The following SLC24A3 variants were observed in gnomAD, a reference collection of about 807,000 sequenced individuals.
SLC24A3 encodes solute carrier family 24 member 3.
In SLC24A3, 28 loss-of-function variants were observed where a neutral mutation model predicts 75.8. The observed-to-expected ratio is 0.37, with a 90% confidence interval of 0.27 to 0.51. SLC24A3 has a LOEUF of 0.51. Ranked by LOEUF, SLC24A3 falls within the 20% of genes least tolerant of loss-of-function variation. The pLI is 0.94. For missense variants in SLC24A3, 663 were observed against 847.8 expected, an observed-to-expected ratio of 0.78 and a Z score of 2.71; for synonymous variants, 372 against 334.1, an observed-to-expected ratio of 1.11 and a Z score of -1.24.
At position 19,722,725 on chromosome 20, in the gene SLC24A3, C is replaced by G. The variant is rs144954252; in HGVS notation, c.*1585C>G. ...TGGTTGAATGTTTCTGTCTGTGGTG[C>G]GAACCAGCATTAACGGATGGGGCAC... On this transcript the variant is annotated 3_prime_UTR_variant, in exon 17 of 17. Transcript: ENST00000328041. 0.013 allele frequency: 2,028 copies of G among 152,688 alleles called. 21 individuals carry two copies. The highest frequency in any genetic ancestry group is 0.027 in the Middle Eastern group (8 of 292). The allele number at this position is 152,688 out of a possible 1,614,324, so 9.5% of individuals were successfully genotyped here.
chr20:19,395,863 G>T (rs1467823893), intron 2 of SLC24A3, among the ~76,000 whole-genome samples: 2 of 152,136 alleles, frequency 1.3e-5, no homozygotes, highest in African/African-American at 4.8e-5. Flanking sequence ...AATTGGAGTG[G>T]GGTAGGTAGT....
intron 9 of SLC24A3, among the ~76,000 whole-genome samples, chr20:19,680,152 CTGTG>C (rs927588904): frequency 1.4e-5 from 2 of 142,162 alleles, no homozygotes; most frequent in African/African-American, 5.2e-5. Flanking sequence ...CTGTGTGTGT[CTGTG>C]TGTGTCTGTG....
At chr20:19,393,503 C>T (rs1986399909) in intron 2 of SLC24A3, among the ~76,000 whole-genome samples, 1 of 151,956 alleles carries the variant, frequency 6.6e-6, no homozygotes, top group African/African-American at 2.4e-5. Flanking sequence ...GAAATTTAGC[C>T]CAGTTGCTGC....
At chr20:19,358,601 A>G (rs1485654406) in intron 2 of SLC24A3, among the ~76,000 whole-genome samples, 7 of 152,192 alleles carry the variant, frequency 4.6e-5, no homozygotes, top group South Asian at 2.1e-4. Context: ...ACAGACTTAT[A>G]TCTTCCTTTT....
At chr20:19,574,616 C>T (rs1017288877) in intron 3 of SLC24A3, among the ~76,000 whole-genome samples, 12 of 152,200 alleles carry the variant, frequency 7.9e-5, no homozygotes, top group Admixed American at 3.3e-4. Flanking sequence ...TCTTTTCCTC[C>T]AGCAGGCTAG....
At chr20:19,628,202 C>CAAAAAAAAAAAAAAAAAAA (rs776701707) in intron 6 of SLC24A3, among the ~76,000 whole-genome samples, 4 of 51,818 alleles carry the variant, frequency 7.7e-5, no homozygotes, top group East Asian at 5.3e-4. Context: ...GACTCCATCT[C>CAAAAAAAAAAAAAAAAAAA]AAAAAAAAAA....
At chr20:19,335,248 T>A (rs1397754634) in intron 2 of SLC24A3, among the ~76,000 whole-genome samples, 1 of 152,198 alleles carries the variant, frequency 6.6e-6, no homozygotes, top group Non-Finnish European at 1.5e-5. Context: ...AGGGCTAGAA[T>A]GAAATGAGTG....
intron 2 of SLC24A3, among the ~76,000 whole-genome samples, chr20:19,429,448 C>G (rs966821532): frequency 6.6e-6 from 1 of 152,182 alleles, no homozygotes; most frequent in African/African-American, 2.4e-5. Flanking sequence ...CTATGGAAAG[C>G]GTGTGAGTAA....
At chr20:19,645,507 T>C (rs1429487181) in intron 6 of SLC24A3, among the ~76,000 whole-genome samples, 1 of 152,054 alleles carries the variant, frequency 6.6e-6, no homozygotes, top group Non-Finnish European at 1.5e-5. Flanking sequence ...ACTCTTGGCC[T>C]TAGGAGTTGG....
chr20:19,628,202 CAAAAA>C (rs776701707), intron 6 of SLC24A3, among the ~76,000 whole-genome samples: 3 of 51,830 alleles, frequency 5.8e-5, no homozygotes, highest in Non-Finnish European at 8.9e-5. Flanking sequence ...GACTCCATCT[CAAAAA>C]AAAAAAAAAA....
At chr20:19,680,570 T>G (rs912661412) in intron 9 of SLC24A3, among the ~76,000 whole-genome samples, 1 of 152,228 alleles carries the variant, frequency 6.6e-6, no homozygotes, top group African/African-American at 2.4e-5. Flanking sequence ...AATAGTGGTG[T>G]TCTAATTCTA....
intron 1 of SLC24A3, among the ~76,000 whole-genome samples, chr20:19,214,373 A>G (rs1014202713): frequency 2.0e-5 from 3 of 152,202 alleles, no homozygotes; most frequent in Non-Finnish European, 2.9e-5. Context: ...CACATCTGCC[A>G]GACTTCTGTC....
intron 2 of SLC24A3, among the ~76,000 whole-genome samples, chr20:19,343,069 CAA>C (rs5840837): frequency 8.1e-5 from 6 of 73,744 alleles, no homozygotes; most frequent in Non-Finnish European, 7.2e-5. Flanking sequence ...GACTCCATCT[CAA>C]AAAAAAAAAA....
At chr20:19,262,036 G>A (rs1983006359) in intron 1 of SLC24A3, among the ~76,000 whole-genome samples, 1 of 152,138 alleles carries the variant, frequency 6.6e-6, no homozygotes, top group African/African-American at 2.4e-5. Context: ...CCTTATGTTA[G>A]CATCATTCCC....
In SLC24A3 at chr20:19,493,199, A is replaced by T. The variant is rs377181422; in HGVS notation, c.272-22289A>T. ...GATGTGGGCCATTTCTTTGTCAGTT[A>T]TCTCAATGACTGTCATTTCCATCCC... On this transcript the variant is annotated intron_variant, in intron 2 of 16. Transcript: ENST00000328041. Among the ~76,000 whole-genome samples, 5 of 152,190 alleles carry T rather than the reference A, an allele frequency of 3.3e-5. No individual in the cohort carries two copies. In the East Asian group the frequency reaches 7.7e-4, roughly 23 times the overall value.
intron 2 of SLC24A3, among the ~76,000 whole-genome samples, chr20:19,485,366 T>A (rs571410784): frequency 6.6e-6 from 1 of 152,232 alleles, no homozygotes; most frequent in Non-Finnish European, 1.5e-5. Context: ...TTCCAAGATA[T>A]GTTAAGTGAA....
chr20:19,610,524 C>A lies in SLC24A3; in HGVS notation c.612+24980C>A, dbSNP rs538003039. Among the ~76,000 whole-genome samples the A allele has an allele frequency of 2.5e-3, 387 of 152,310 alleles. 2 individuals are homozygous for A. The highest frequency in any genetic ancestry group is 8.8e-3 in the African/African-American group (364 of 41,572). On this transcript the variant is annotated intron_variant, in intron 6 of 16. Coordinates refer to ENST00000328041, the MANE Select transcript of SLC24A3 (RefSeq NM_020689.4). The stretch of plus-strand genomic sequence containing the variant: ...ATCAAATCTTGGAGCCTTTTTTCTG[C>A]ATCAAGTTTTGTATTCCCCAGAAGT...
rs145876600 is a variant in SLC24A3 at position 19,667,913 on chromosome 20, T to A, written c.713+2024T>A. Among the ~76,000 whole-genome samples, 86 of 152,278 alleles carry A rather than the reference T, an allele frequency of 5.6e-4. No individual in the cohort carries two copies. In the East Asian group the frequency reaches 0.012, roughly 21 times the overall value. On this transcript the variant is annotated intron_variant, in intron 8 of 16. Transcript: ENST00000328041. ...GGGTCTAGATTCTGGAAGGTACAAG[T>A]CATCAGAGCCCTCGCCCTGAGCACC... is the stretch of plus-strand genomic sequence containing the variant.
At chr20:19,675,122 T>G (rs2032508845) in intron 9 of SLC24A3, among the ~76,000 whole-genome samples, 1 of 152,126 alleles carries the variant, frequency 6.6e-6, no homozygotes, top group Non-Finnish European at 1.5e-5. Context: ...AGCACCATGG[T>G]GGTAAGCCTG....
Sources: gnomAD v4.1 joint callset for allele counts (sites outside exome capture counted in the v4.1 genomes callset) on GRCh38, gnomAD v4.1.1 for gene constraint, MANE v1.5 for transcripts, NCBI Gene and HGNC (gene_info 2026-07-23, HGNC 2026-07-21) for gene names.